ZNF185: variants seen among roughly 807,000 people sequenced by gnomAD.
ZNF185 encodes the protein zinc finger protein 185.
Under a neutral mutation model 58.6 loss-of-function variants are expected in ZNF185, and 56 were observed. The observed-to-expected ratio is 0.95, with a 90% CI of 0.77 to 1.19. ZNF185 has a LOEUF of 1.19. ZNF185 is among the 50% of genes most tolerant of loss of function. ZNF185 has a pLI of 0.00. For synonymous variants in ZNF185, 230 were observed against 215.9 expected, an observed-to-expected ratio of 1.07 and a Z score of -0.57; for missense variants, 627 against 573.5, an observed-to-expected ratio of 1.09 and a Z score of -0.95.
chrX:152,920,388 G>T, exon 8 of ZNF185: 1 of 1,211,201 alleles, frequency 8.3e-7, no homozygotes, highest in Non-Finnish European at 1.1e-6. Context: ...CCTACGTCCT[G>T]TCAGCGGCCA....
chrX:152,960,610 T>G (rs1556909528), intron 17 of ZNF185, among the ~76,000 whole-genome samples: 1 of 112,663 alleles, frequency 8.9e-6, no homozygotes, highest in African/African-American at 3.2e-5. Flanking sequence ...CTGTAAGAAC[T>G]TTCCCAATTT....
the ZNF185 span, among the ~76,000 whole-genome samples, chrX:152,903,031 CTGAA>C: frequency 2.7e-5 from 3 of 111,374 alleles, no homozygotes; most frequent in East Asian, 8.4e-4. Context: ...CTGGCAAAGA[CTGAA>C]TGGATGGCAG....
At chrX:152,908,085 A>G in the ZNF185 span, among the ~76,000 whole-genome samples, 1 of 112,620 alleles carries the variant, frequency 8.9e-6, no homozygotes, top group Non-Finnish European at 1.9e-5. Flanking sequence ...GCCACCTTAC[A>G]GATGAGGAGA....
intron 16 of ZNF185, among the ~76,000 whole-genome samples, chrX:152,953,233 G>A (rs1230838533): frequency 9.0e-6 from 1 of 111,719 alleles, no homozygotes; most frequent in Non-Finnish European, 1.9e-5. Flanking sequence ...AAAAGGACCA[G>A]GAAGAGTCCT....
At chrX:152,904,008 C>T in the ZNF185 span, among the ~76,000 whole-genome samples, 1 of 112,571 alleles carries the variant, frequency 8.9e-6, no homozygotes, top group South Asian at 3.6e-4. Flanking sequence ...AGTCATTTAC[C>T]TGTAAAGCAC....
At chrX:152,898,741 A>T in the ZNF185 span, among the ~76,000 whole-genome samples, 2 of 112,412 alleles carry the variant, frequency 1.8e-5, no homozygotes, top group African/African-American at 6.5e-5. Context: ...GGCCATGAGG[A>T]TGGTGGCTGC....
At chrX:152,923,852 C>T (rs1556871015) in intron 11 of ZNF185, among the ~76,000 whole-genome samples, 1 of 111,942 alleles carries the variant, frequency 8.9e-6, no homozygotes, top group African/African-American at 3.2e-5. Context: ...TACTGATCCT[C>T]AGGCTGGGGT....
At chrX:152,952,085 A>G (rs2048357561) in intron 16 of ZNF185, among the ~76,000 whole-genome samples, 1 of 112,424 alleles carries the variant, frequency 8.9e-6, no homozygotes, top group Admixed American at 9.4e-5. Context: ...TAGATATAAT[A>G]CTAGCTTATT....
chrX:152,924,329 C>G (rs1940408250), intron 11 of ZNF185, among the ~76,000 whole-genome samples: 1 of 110,513 alleles, frequency 9.0e-6, no homozygotes, highest in Non-Finnish European at 1.9e-5. Flanking sequence ...CCATGTTGCC[C>G]AGGCTGGTCT....
intron 15 of ZNF185, among the ~76,000 whole-genome samples, chrX:152,938,952 C>T (rs2046790417): frequency 9.7e-6 from 1 of 102,606 alleles, no homozygotes; most frequent in Non-Finnish European, 2.1e-5. Context: ...GTGGAGAGAG[C>T]TATAGATAAG....
intron 16 of ZNF185, among the ~76,000 whole-genome samples, chrX:152,949,983 G>T (rs782665737): frequency 3.6e-5 from 4 of 111,432 alleles, no homozygotes; most frequent in Non-Finnish European, 7.5e-5. Flanking sequence ...TTTTTCATCA[G>T]TTGGCAAGTT....
intron 16 of ZNF185, among the ~76,000 whole-genome samples, chrX:152,957,396 C>T (rs1556905858): frequency 1.8e-5 from 2 of 111,564 alleles, no homozygotes; most frequent in Non-Finnish European, 3.8e-5. Context: ...ATTTCCTAAG[C>T]CAGGAATCGA....
At chrX:152,945,693 T>C (rs1457975627) in intron 16 of ZNF185, among the ~76,000 whole-genome samples, 1 of 111,599 alleles carries the variant, frequency 9.0e-6, no homozygotes, top group Non-Finnish European at 1.9e-5. Flanking sequence ...AGGATGTGTC[T>C]GTCCCCAGGT....
At chrX:152,900,975 G>A in the ZNF185 span, among the ~76,000 whole-genome samples, 1 of 112,464 alleles carries the variant, frequency 8.9e-6, no homozygotes, top group Non-Finnish European at 1.9e-5. Context: ...TGGCACAGAG[G>A]TGCTCTGTCA....
the ZNF185 span, among the ~76,000 whole-genome samples, chrX:152,907,498 C>T: frequency 2.7e-4 from 31 of 113,169 alleles, no homozygotes; most frequent in Non-Finnish European, 9.4e-5. Flanking sequence ...GAAGGCCTGT[C>T]CTCATCTCCC....
chrX:152,905,923 T>C, the ZNF185 span, among the ~76,000 whole-genome samples: 15 of 112,051 alleles, frequency 1.3e-4, no homozygotes, highest in African/African-American at 4.5e-4. Context: ...CTGGCTGGGC[T>C]CTGGGGCTTG....
chrX:152,963,534 C>T (rs1414909466), intron 17 of ZNF185, among the ~76,000 whole-genome samples: 2 of 111,831 alleles, frequency 1.8e-5, no homozygotes, highest in Non-Finnish European at 3.8e-5. Flanking sequence ...GTCACATCCC[C>T]GGGAGCCCCA....
exon 17 of ZNF185, chrX:152,959,719 G>A: frequency 8.3e-7 from 1 of 1,211,353 alleles, no homozygotes; most frequent in Non-Finnish European, 1.1e-6. Flanking sequence ...GATTTTGAGG[G>A]GAAGGATGTG....
intron 17 of ZNF185, 47 bp from the exon 20 acceptor site, chrX:152,963,792 G>T (rs1556912079): frequency 8.7e-7 from 1 of 1,144,691 alleles, no homozygotes; most frequent in East Asian, 3.0e-5. Flanking sequence ...CCTGGAAGGT[G>T]TCAGCTCCCA....
Sources: gnomAD v4.1 joint callset for allele counts (sites outside exome capture counted in the v4.1 genomes callset) on GRCh38, gnomAD v4.1.1 for gene constraint, MANE v1.5 for transcripts, NCBI Gene and HGNC (gene_info 2026-07-23, HGNC 2026-07-21) for gene names.